Variants in CYB5R4 observed in about 807,000 individuals in gnomAD.
CYB5R4 encodes cytochrome b5 reductase 4.
A neutral mutation model predicts 70.2 loss-of-function variants in CYB5R4; 55 were observed. The ratio of observed to expected loss-of-function variants is 0.78; its 90% confidence interval spans 0.63 to 0.98. The LOEUF (loss-of-function observed/expected upper bound fraction) is 0.98. Ranked by LOEUF, CYB5R4 falls within the 50% of genes least tolerant of loss-of-function variation. The pLI is 0.00. For missense variants in CYB5R4, 562 were observed against 612.6 expected (o/e 0.92, Z 0.87); for synonymous variants, 197 against 199.5 (o/e 0.99, Z 0.11).
chr6:83,954,925 T>C (rs9294284), intron 14 of CYB5R4, among the ~76,000 whole-genome samples: 38,828 of 150,626 alleles, frequency 0.26, 8,957 homozygotes, highest in African/African-American at 0.61. Context: ...GTTTTTTTTT[T>C]TGTAGAAACT....
At chr6:83,947,105 C>T (rs1241461393) in intron 14 of CYB5R4, among the ~76,000 whole-genome samples, 1 of 152,106 alleles carries the variant, frequency 6.6e-6, no homozygotes, top group Non-Finnish European at 1.5e-5. Context: ...CCAAGACAAT[C>T]CTAAGCAAAA....
intron 10 of CYB5R4, among the ~76,000 whole-genome samples, chr6:83,932,721 C>G (rs897197214): frequency 3.9e-5 from 6 of 152,150 alleles, no homozygotes; most frequent in African/African-American, 1.4e-4. Flanking sequence ...CTACTTCTAT[C>G]CAAGGAGTGG....
At chr6:83,905,089 C>G (rs2099463556) in intron 3 of CYB5R4, among the ~76,000 whole-genome samples, 1 of 152,008 alleles carries the variant, frequency 6.6e-6, no homozygotes, top group African/African-American at 2.4e-5. Context: ...GAATCTCACC[C>G]TGTTACCCAG....
At chr6:83,904,229 A>G (rs760674445) in intron 3 of CYB5R4, among the ~76,000 whole-genome samples, 22 of 152,046 alleles carry the variant, frequency 1.4e-4, no homozygotes, top group Non-Finnish European at 2.8e-4. Context: ...AGGTTTTGGT[A>G]TGCTGCATTT....
At chr6:83,938,810 A>G (rs1190101253) in intron 12 of CYB5R4, among the ~76,000 whole-genome samples, 5 of 152,038 alleles carry the variant, frequency 3.3e-5, no homozygotes, top group African/African-American at 1.2e-4. Flanking sequence ...TTTTCAAACT[A>G]TAATGAGGAG....
chr6:83,931,566 C>T (rs1159800821), intron 10 of CYB5R4, among the ~76,000 whole-genome samples: 1 of 152,086 alleles, frequency 6.6e-6, no homozygotes, highest in Non-Finnish European at 1.5e-5. Flanking sequence ...TTCACCCTTA[C>T]CCTGAGTATC....
At chr6:83,870,971 C>CTTTTTTTTTTTTTTTT (rs759131653) in intron 2 of CYB5R4, among the ~76,000 whole-genome samples, 19 of 88,618 alleles carry the variant, frequency 2.1e-4, no homozygotes, top group Non-Finnish European at 3.2e-4. Context: ...TCATTGTTTG[C>CTTTTTTTTTTTTTTTT]TTTTTTTTTT....
chr6:83,925,279 C>T (rs1460787225), intron 10 of CYB5R4, among the ~76,000 whole-genome samples: 3 of 152,010 alleles, frequency 2.0e-5, no homozygotes, highest in Non-Finnish European at 4.4e-5. Context: ...CTTGTGTGAA[C>T]TCTGTCACGA....
Position 83,960,939 on chromosome 6 carries a change from T to G in CYB5R4, c.*1061T>G, listed in dbSNP as rs140226155. 4.0e-4 allele frequency: 61 copies of G among 152,344 alleles called. No homozygotes were observed. The highest frequency in any genetic ancestry group is 1.3e-3 in the African/African-American group (56 of 41,582). The allele number at this position is 152,344 out of a possible 1,614,324, so 9.4% of individuals were successfully genotyped here. ...AGCTTTTCGTGAGGAAACTGTTGAA[T>G]GCATAGGTAGCTACTGTATAAGCTA... On this transcript the variant is annotated 3_prime_UTR_variant, in exon 16 of 16. Transcript: ENST00000369681.
intron 14 of CYB5R4, among the ~76,000 whole-genome samples, chr6:83,946,492 T>C (rs190047148): frequency 2.6e-4 from 39 of 152,262 alleles, no homozygotes; most frequent in African/African-American, 6.7e-4. Flanking sequence ...CTGGAAGCAT[T>C]CCCTTTGAAA....
rs45578936 is a variant in CYB5R4, at chr6:83,918,576, A to T, written c.506+511A>T. Among the ~76,000 whole-genome samples, 794 of 152,144 alleles carry T rather than the reference A, an allele frequency of 5.2e-3. 7 individuals carry two copies. Among genetic ancestry groups the T allele is most frequent in the Non-Finnish European group, 8.1e-3 (552 of 67,896 alleles). ...CTGCATTCCATCATATGACCATGCC[A>T]TAATGTATTTAAATATTCTATTTTT... On this transcript the variant is annotated intron_variant, in intron 6 of 15. Transcript: ENST00000369681.
intron 1 of CYB5R4, among the ~76,000 whole-genome samples, chr6:83,862,900 G>C (rs915901186): frequency 1.3e-5 from 2 of 152,312 alleles, no homozygotes; most frequent in South Asian, 4.1e-4. Flanking sequence ...TGATAGGATA[G>C]AATGTGAAAG....
At chr6:83,955,786 T>G (rs943622623) in intron 15 of CYB5R4, among the ~76,000 whole-genome samples, 15 of 152,276 alleles carry the variant, frequency 9.9e-5, no homozygotes, top group African/African-American at 3.6e-4. Context: ...CCATCAAAGC[T>G]TCATAATATA....
At position 83,940,556 on chromosome 6, in the gene CYB5R4, T is replaced by C. The variant is rs2099469584; in HGVS notation, c.1301T>C (p.Ile434Thr). Residue 434 changes from isoleucine to threonine, a missense_variant, in exon 14 of 16, where the codon ATA (isoleucine) becomes ACA (threonine). Transcript: ENST00000369681. ...TTCTTCAATAAAACAGAAGATGATA[T>C]AATTTGGAGAAGCCAATTGGAGAAA... ...LMFFNKTEDD[I>T]IWRSQLEKLA... The C allele has an allele frequency of 3.8e-6, 6 of 1,599,182 alleles. No individual in the cohort carries two copies. Among genetic ancestry groups the C allele is most frequent in the Non-Finnish European group, 5.1e-6 (6 of 1,175,890 alleles).
chr6:83,910,156 C>T, intron 4 of CYB5R4: 1 of 1,590,104 alleles, frequency 6.3e-7, no homozygotes, highest in Admixed American at 1.7e-5. Flanking sequence ...ATTTCTTTTA[C>T]TGTCACAGCA....
intron 1 of CYB5R4, among the ~76,000 whole-genome samples, chr6:83,861,444 G>T (rs1001439908): frequency 6.6e-6 from 1 of 152,168 alleles, no homozygotes; most frequent in Non-Finnish European, 1.5e-5. Flanking sequence ...CTCAAATAGT[G>T]TTGTTTCATT....
intron 2 of CYB5R4, among the ~76,000 whole-genome samples, chr6:83,884,941 C>A (rs891180316): frequency 6.6e-6 from 1 of 152,122 alleles, no homozygotes; most frequent in Non-Finnish European, 1.5e-5. Context: ...ACGGAAATAA[C>A]GCTTTTACTT....
At chr6:83,878,775 A>AAGT (rs1374258164) in intron 2 of CYB5R4, among the ~76,000 whole-genome samples, 1 of 152,074 alleles carries the variant, frequency 6.6e-6, no homozygotes, top group African/African-American at 2.4e-5. Flanking sequence ...TCAATCTAGT[A>AAGT]AGTAGTTGAG....
intron 4 of CYB5R4, among the ~76,000 whole-genome samples, chr6:83,913,918 G>A (rs961279878): frequency 6.6e-6 from 1 of 151,772 alleles, no homozygotes; most frequent in Non-Finnish European, 1.5e-5. Context: ...AATTGCATTG[G>A]GTATACATGC....
Sources: gnomAD v4.1 joint callset for allele counts (sites outside exome capture counted in the v4.1 genomes callset) on GRCh38, gnomAD v4.1.1 for gene constraint, MANE v1.5 for transcripts, NCBI Gene and HGNC (gene_info 2026-07-23, HGNC 2026-07-21) for gene names.